Variants in MIPOL1 observed in about 807,000 individuals in gnomAD.
The protein encoded by MIPOL1 is mirror-image polydactyly gene 1 protein.
MIPOL1 carries 57 observed loss-of-function variants against 60.9 expected under a neutral mutation model. The ratio of observed to expected loss-of-function variants is 0.94; its 90% CI spans 0.76 to 1.17. The LOEUF (loss-of-function observed/expected upper bound fraction) is 1.17. Ranked by LOEUF, MIPOL1 falls within the 50% of genes most tolerant of loss-of-function variation. MIPOL1 has a pLI of 0.00. For missense variants in MIPOL1, 551 were observed against 511.6 expected, an observed-to-expected ratio of 1.08 and a Z score of -0.74; for synonymous variants, 179 against 168.8, an observed-to-expected ratio of 1.06 and a Z score of -0.47.
intron 6 of MIPOL1, 85 bp from the exon 7 acceptor site, chr14:37,285,233 T>C: frequency 1.4e-6 from 2 of 1,425,028 alleles, no homozygotes; most frequent in Non-Finnish European, 1.9e-6. Flanking sequence ...ACAGTAATAA[T>C]TACTTATGGC....
intron 4 of MIPOL1, among the ~76,000 whole-genome samples, 191 bp from the exon 5 acceptor site, chr14:37,268,467 T>C (rs2153386636): frequency 6.6e-6 from 1 of 152,302 alleles, no homozygotes. Context: ...CTAAATTTCT[T>C]CTTAGTGACT....
chr14:37,438,269 T>G (rs2094193152), intron 11 of MIPOL1, among the ~76,000 whole-genome samples: 1 of 152,242 alleles, frequency 6.6e-6, no homozygotes, highest in Non-Finnish European at 1.5e-5. Flanking sequence ...CTTCAATGTT[T>G]TGTGTTAAAA....
intron 1 of MIPOL1, among the ~76,000 whole-genome samples, chr14:37,215,860 G>C (rs550342706): frequency 6.6e-6 from 1 of 152,248 alleles, no homozygotes; most frequent in South Asian, 2.1e-4. Context: ...CTGAGGTCAG[G>C]AGTTCGAGAG....
At chr14:37,449,224 T>A (rs989693408) in intron 11 of MIPOL1, among the ~76,000 whole-genome samples, 1 of 152,168 alleles carries the variant, frequency 6.6e-6, no homozygotes, top group African/African-American at 2.4e-5. Context: ...TGTTAATAAG[T>A]TCTGCAGTTG....
chr14:37,518,523 T>C (rs1160261110), intron 12 of MIPOL1, among the ~76,000 whole-genome samples: 1 of 152,078 alleles, frequency 6.6e-6, no homozygotes, highest in Non-Finnish European at 1.5e-5. Flanking sequence ...TTAGTAGAGA[T>C]GGGTTTTTGC....
chr14:37,394,057 C>CATATATATATATAGATATATATATATAT (rs2093316644), intron 10 of MIPOL1, among the ~76,000 whole-genome samples: 1 of 73,310 alleles, frequency 1.4e-5, no homozygotes, highest in Non-Finnish European at 2.7e-5. Flanking sequence ...TTAGTAGTGG[C>CATATATATATATAGATATATATATATAT]ATATATATAT....
intron 11 of MIPOL1, among the ~76,000 whole-genome samples, chr14:37,483,662 G>A (rs1057434347): frequency 1.3e-5 from 2 of 151,900 alleles, no homozygotes; most frequent in African/African-American, 4.8e-5. Flanking sequence ...TAAGGGCAGA[G>A]TCTTGCTCTG....
At chr14:37,228,604 A>G (rs896636528) in intron 1 of MIPOL1, among the ~76,000 whole-genome samples, 2 of 152,104 alleles carry the variant, frequency 1.3e-5, no homozygotes, top group Admixed American at 6.6e-5. Context: ...GTATTGGGTT[A>G]CCTATGAAAT....
rs1411449161 is a variant in MIPOL1, at chr14:37,499,251, G to A, written c.1032-657G>A. The stretch of plus-strand genomic sequence containing the variant: ...ATTCTATTTGTCTGCATTTTCTTCT[G>A]CATTCATTTAGTCTTAATTTATATG... On this transcript the variant is annotated intron_variant, in intron 11 of 12. Transcript: ENST00000684589. 2.6e-5 allele frequency among the ~76,000 whole-genome samples: 4 copies of A among 151,938 alleles called. No individual in the cohort carries two copies. The East Asian group carries it at 7.7e-4, about 29-fold the overall frequency.
At chr14:37,469,560 C>T (rs912667825) in intron 11 of MIPOL1, among the ~76,000 whole-genome samples, 1 of 151,996 alleles carries the variant, frequency 6.6e-6, no homozygotes, top group Non-Finnish European at 1.5e-5. Flanking sequence ...AGAATAATGG[C>T]GGTCACTCTA....
rs1566684073 is a variant in MIPOL1, at chr14:37,481,609, AC to A, written c.1032-18298del. On this transcript the variant is annotated intron_variant, in intron 11 of 12. Coordinates refer to ENST00000684589, the MANE Select transcript of MIPOL1 (RefSeq NM_001388067.1). The stretch of plus-strand genomic sequence containing the variant: ...CACACACACACACACACACACACAC[AC>A]ACCGAAACCACATAGCCAAGGGAAT... Among the ~76,000 whole-genome samples the A allele has an allele frequency of 1.4e-3, 197 of 141,688 alleles. 2 individuals are homozygous for A. The highest frequency in any genetic ancestry group is 4.8e-3 in the African/African-American group (183 of 37,910). The allele number at this position is 141,688 out of a possible 152,430, so 93.0% of individuals were successfully genotyped here.
chr14:37,515,821 G>A (rs1049837786), intron 12 of MIPOL1, among the ~76,000 whole-genome samples: 22 of 152,312 alleles, frequency 1.4e-4, no homozygotes, highest in African/African-American at 3.4e-4. Flanking sequence ...CCCTAAGACA[G>A]AGAACTGATC....
intron 9 of MIPOL1, among the ~76,000 whole-genome samples, chr14:37,330,302 T>A (rs184664304): frequency 9.9e-5 from 15 of 152,252 alleles, no homozygotes; most frequent in African/African-American, 2.9e-4. Flanking sequence ...GAGGAAGTGT[T>A]GTTAGTGAAT....
At chr14:37,333,108 C>G (rs2089857863) in intron 9 of MIPOL1, among the ~76,000 whole-genome samples, 1 of 152,080 alleles carries the variant, frequency 6.6e-6, no homozygotes, top group African/African-American at 2.4e-5. Flanking sequence ...TGGTTTTTGG[C>G]ATTAATAAAT....
At chr14:37,298,722 T>G (rs577146656) in intron 7 of MIPOL1, among the ~76,000 whole-genome samples, 43 of 152,044 alleles carry the variant, frequency 2.8e-4, no homozygotes, top group South Asian at 8.3e-4. Context: ...GGCCATCAGA[T>G]AAATGCAAAT....
chr14:37,230,224 AAG>A (rs1317390132), intron 1 of MIPOL1, among the ~76,000 whole-genome samples: 1 of 152,218 alleles, frequency 6.6e-6, no homozygotes, highest in African/African-American at 2.4e-5. Context: ...AATCATTATT[AAG>A]AGGTGAATTT....
intron 11 of MIPOL1, among the ~76,000 whole-genome samples, chr14:37,450,478 A>G (rs1421108875): frequency 6.6e-6 from 1 of 152,152 alleles, no homozygotes; most frequent in Non-Finnish European, 1.5e-5. Context: ...TTCAGAATGA[A>G]TCAATCTTTG....
chr14:37,523,942 A>T (rs2095430175), intron 12 of MIPOL1, among the ~76,000 whole-genome samples: 1 of 152,174 alleles, frequency 6.6e-6, no homozygotes, highest in African/African-American at 2.4e-5. Flanking sequence ...AGCCTTCTGT[A>T]TGGAAGCCAA....
intron 11 of MIPOL1, among the ~76,000 whole-genome samples, chr14:37,498,547 T>A (rs761554177): frequency 7.2e-5 from 11 of 152,052 alleles, no homozygotes; most frequent in Non-Finnish European, 2.9e-5. Flanking sequence ...CCTTTAAGCA[T>A]ATGGGTTGGT....
Sources: allele counts gnomAD v4.1 joint callset (sites outside exome capture counted in the v4.1 genomes callset), GRCh38; gene constraint gnomAD v4.1.1; transcripts MANE v1.5; gene names NCBI Gene and HGNC (gene_info 2026-07-23, HGNC 2026-07-21).